Variants in DPP10 observed in about 807,000 individuals in gnomAD.
The protein encoded by DPP10 is dipeptidyl peptidase like 10.
In DPP10, 33 loss-of-function variants were observed where a neutral mutation model predicts 120.9. The observed-to-expected ratio is 0.27, with a 90% CI of 0.21 to 0.37. The LOEUF (loss-of-function observed/expected upper bound fraction) is 0.37, where lower values mean the gene tolerates loss of function less well. Among genes scored for constraint, DPP10 ranks in the 10% least tolerant of loss-of-function variants. The pLI is 1.00. For missense variants in DPP10, 816 were observed against 942.8 expected, an observed-to-expected ratio of 0.87 and a Z score of 1.76; for synonymous variants, 337 against 326.1, an observed-to-expected ratio of 1.03 and a Z score of -0.36.
chr2:115,075,120 T>C lies in DPP10; in HGVS notation c.61-234119T>C, dbSNP rs146807087. 3.3e-5 allele frequency among the ~76,000 whole-genome samples: 5 copies of C among 152,302 alleles called. No individual in the cohort carries two copies. The East Asian group carries it at 7.7e-4, about 24-fold the overall frequency. On this transcript the variant is annotated intron_variant, in intron 1 of 25. Coordinates refer to ENST00000410059, the MANE Select transcript of DPP10 (RefSeq NM_020868.6). The stretch of plus-strand genomic sequence containing the variant: ...CATGAGTGTGGGAGGTCATATTCAG[T>C]GAAAGCTCAGAGTGAGAAGAGTGCC...
intron 1 of DPP10, among the ~76,000 whole-genome samples, chr2:115,105,338 T>C (rs1355568838): frequency 6.6e-6 from 1 of 152,070 alleles, no homozygotes; most frequent in Non-Finnish European, 1.5e-5. Context: ...CCAAGAAGCA[T>C]GGTGCTAGCA....
At chr2:115,052,628 C>T (rs752575823) in intron 1 of DPP10, among the ~76,000 whole-genome samples, 1 of 152,064 alleles carries the variant, frequency 6.6e-6, no homozygotes. Context: ...CAGTGAGATA[C>T]CACTTCATAC....
intron 1 of DPP10, among the ~76,000 whole-genome samples, chr2:115,094,310 G>A (rs1351327546): frequency 2.0e-5 from 3 of 152,156 alleles, no homozygotes; most frequent in Admixed American, 6.5e-5. Flanking sequence ...CTCTGTGGAT[G>A]TTACGCAGTT....
At chr2:115,365,715 C>A (rs1052626637) in intron 3 of DPP10, among the ~76,000 whole-genome samples, 4 of 151,952 alleles carry the variant, frequency 2.6e-5, no homozygotes, top group African/African-American at 9.7e-5. Flanking sequence ...TTTCATAGAT[C>A]TTACAAGGCC....
At chr2:115,573,400 A>G (rs2081457418) in intron 5 of DPP10, among the ~76,000 whole-genome samples, 1 of 145,452 alleles carries the variant, frequency 6.9e-6, no homozygotes, top group Non-Finnish European at 1.5e-5. Flanking sequence ...CTCCTGCCTC[A>G]GCCTCCCGAG....
intron 3 of DPP10, among the ~76,000 whole-genome samples, chr2:115,344,132 T>G (rs2063592547): frequency 9.0e-6 from 1 of 111,018 alleles, no homozygotes; most frequent in Non-Finnish European, 1.7e-5. Flanking sequence ...CGAGACTCCA[T>G]CTCAAAAAAA....
chr2:115,064,897 CT>C (rs1246075075), intron 1 of DPP10: 2 of 1,223,330 alleles, frequency 1.6e-6, no homozygotes, highest in Non-Finnish European at 2.1e-6. Context: ...ACTGAATTGT[CT>C]TTTCCTATTT....
intron 3 of DPP10, among the ~76,000 whole-genome samples, chr2:115,344,791 C>T (rs2063630054): frequency 6.6e-6 from 1 of 152,126 alleles, no homozygotes; most frequent in Non-Finnish European, 1.5e-5. Flanking sequence ...AGCTGTTAAT[C>T]TTTACCCTTC....
intron 1 of DPP10, among the ~76,000 whole-genome samples, chr2:114,511,065 CAGAG>C (rs1265361987): frequency 1.3e-5 from 2 of 152,078 alleles, no homozygotes; most frequent in African/African-American, 4.8e-5. Flanking sequence ...CTGTAGAAGA[CAGAG>C]AGGATAAGAG....
At chr2:115,755,707 A>C (rs1441777473) in intron 11 of DPP10, among the ~76,000 whole-genome samples, 1 of 151,996 alleles carries the variant, frequency 6.6e-6, no homozygotes, top group Non-Finnish European at 1.5e-5. Flanking sequence ...AAAAAACTAA[A>C]ACTATAATTA....
chr2:115,095,484 A>G (rs964800994), intron 1 of DPP10, among the ~76,000 whole-genome samples: 1 of 152,010 alleles, frequency 6.6e-6, no homozygotes, highest in African/African-American at 2.4e-5. Context: ...ATGTAAGTGC[A>G]TTTAGCTCTG....
At chr2:114,522,948 C>A (rs1685196086) in intron 1 of DPP10, among the ~76,000 whole-genome samples, 1 of 152,172 alleles carries the variant, frequency 6.6e-6, no homozygotes, top group Non-Finnish European at 1.5e-5. Context: ...CAATTACCTC[C>A]CGCTGAGTTC....
chr2:115,381,967 A>G (rs574449580), intron 3 of DPP10, among the ~76,000 whole-genome samples: 2 of 152,028 alleles, frequency 1.3e-5, no homozygotes, highest in African/African-American at 4.8e-5. Flanking sequence ...GCTGTCAGAC[A>G]GGGACATTTA....
intron 1 of DPP10, among the ~76,000 whole-genome samples, chr2:114,756,995 C>A (rs1679812712): frequency 1.3e-5 from 2 of 151,936 alleles, no homozygotes; most frequent in African/African-American, 4.8e-5. Flanking sequence ...TACATAGCAC[C>A]TAGCCTAACG....
chr2:115,292,054 G>T (rs2060679355), intron 1 of DPP10, among the ~76,000 whole-genome samples: 1 of 152,064 alleles, frequency 6.6e-6, no homozygotes, highest in African/African-American at 2.4e-5. Flanking sequence ...GCAACAGCAG[G>T]TCTTATTCTA....
intron 12 of DPP10, among the ~76,000 whole-genome samples, chr2:115,765,436 T>C (rs1420735814): frequency 1.3e-5 from 2 of 152,190 alleles, no homozygotes; most frequent in African/African-American, 2.4e-5. Context: ...ACCTACTGTG[T>C]CTTAGGCAAT....
At chr2:115,218,118 A>G (rs1476841743) in intron 1 of DPP10, among the ~76,000 whole-genome samples, 1 of 152,156 alleles carries the variant, frequency 6.6e-6, no homozygotes, top group Admixed American at 6.5e-5. Context: ...GTTAAGCTGA[A>G]CTGAATATTG....
chr2:115,449,715 A>G (rs1486390383), intron 3 of DPP10, among the ~76,000 whole-genome samples: 1 of 152,106 alleles, frequency 6.6e-6, no homozygotes, highest in Admixed American at 6.6e-5. Context: ...TATCAAGCTA[A>G]CATGAATTAG....
At position 115,743,819 on chromosome 2, in the gene DPP10, C is replaced by T. The variant is rs1677603151; in HGVS notation, c.853-2267C>T. On this transcript the variant is annotated intron_variant, in intron 9 of 25. Transcript: ENST00000410059. ...ATAACCATGCCAAGTAAATAACAGA[C>T]TGAACATTTGGACTCAGGTTTCATG... Among the ~76,000 whole-genome samples, 2 of 150,542 alleles carry T rather than the reference C, an allele frequency of 1.3e-5. 1 individual carries two copies. The highest frequency in any genetic ancestry group is 1.4e-4 in the Admixed American group (2 of 14,302).
Sources: gnomAD v4.1 joint callset for allele counts (sites outside exome capture counted in the v4.1 genomes callset) on GRCh38, gnomAD v4.1.1 for gene constraint, MANE v1.5 for transcripts, NCBI Gene and HGNC (gene_info 2026-07-23, HGNC 2026-07-21) for gene names.